The following RAB3B variants were observed in gnomAD, a reference collection of about 807,000 sequenced individuals.
The protein encoded by RAB3B is ras-related protein Rab-3B.
In RAB3B, 11 loss-of-function variants were observed where a neutral mutation model predicts 20.5. The observed-to-expected ratio is 0.54, with a 90% CI of 0.34 to 0.89. RAB3B has a LOEUF of 0.89. RAB3B is among the 40% of genes least tolerant of loss of function. The pLI is 0.02. For synonymous variants in RAB3B, 99 were observed against 106.3 expected, an observed-to-expected ratio of 0.93 and a Z score of 0.42; for missense variants, 225 against 280.9, an observed-to-expected ratio of 0.80 and a Z score of 1.42.
chr1:51,987,009 T>G (rs1308646947), intron 1 of RAB3B, among the ~76,000 whole-genome samples: 1 of 152,192 alleles, frequency 6.6e-6, no homozygotes, highest in Non-Finnish European at 1.5e-5. Context: ...TAGAGCTATC[T>G]CCGTGACAAG....
intron 4 of RAB3B, 48 bp from the exon 5 acceptor site, chr1:51,920,162 T>C (rs1684153449): frequency 2.6e-6 from 4 of 1,532,956 alleles, no homozygotes; most frequent in Non-Finnish European, 3.5e-6. Context: ...TCCCTTCTGC[T>C]GGAACCCTTC....
In RAB3B at chr1:51,917,584, T is replaced by C. The variant is rs1684105836; in HGVS notation, c.*2343A>G. ...GAGAGACAGAGAGACAGGGTCTTAT[T>C]CTTACTCTGTCACCCAGACTGGAAT... On this transcript the variant is annotated 3_prime_UTR_variant, in exon 5 of 5. Coordinates refer to ENST00000371655, the MANE Select transcript of RAB3B (RefSeq NM_002867.4). 1 of 152,026 alleles carries C rather than the reference T, an allele frequency of 6.6e-6. No homozygotes were observed. Among genetic ancestry groups the C allele is most frequent in the Non-Finnish European group, 1.5e-5 (1 of 68,008 alleles). 9.4% of individuals were successfully genotyped at this position (152,026 alleles called of 1,614,324 possible). A position where few individuals can be genotyped will look rare whatever the true frequency, so the allele number is the denominator to read the frequency against.
chr1:51,957,136 C>G (rs1430842531), intron 2 of RAB3B, among the ~76,000 whole-genome samples: 1 of 152,154 alleles, frequency 6.6e-6, no homozygotes, highest in Non-Finnish European at 1.5e-5. Context: ...TGTAGCAGCA[C>G]AACTGGTGGA....
chr1:51,977,499 C>G (rs986634455), intron 1 of RAB3B, among the ~76,000 whole-genome samples: 3 of 152,122 alleles, frequency 2.0e-5, no homozygotes, highest in African/African-American at 7.2e-5. Flanking sequence ...ACAGAGGAGT[C>G]CTGGCTGAGG....
chr1:51,980,753 A>C lies in RAB3B; in HGVS notation c.1-3636T>G. The C allele has an allele frequency of 9.3e-6, 7 of 755,162 alleles. No homozygotes were observed. In the South Asian group the frequency reaches 9.4e-5, roughly 10 times the overall value. 46.8% of individuals were successfully genotyped at this position (755,162 alleles called of 1,614,324 possible). A position where few individuals can be genotyped will look rare whatever the true frequency, so the allele number is the denominator to read the frequency against. On this transcript the variant is annotated intron_variant, in intron 1 of 4. Coordinates refer to ENST00000371655, the MANE Select transcript of RAB3B (RefSeq NM_002867.4). The stretch of plus-strand genomic sequence containing the variant: ...AATCGATCTCATGAAGCCCGCAAGG[A>C]CCAAACACCCCCACCCTGATTTAGA...
chr1:51,976,796 C>G, intron 2 of RAB3B, 94 bp downstream of exon 2: 1 of 1,094,024 alleles, frequency 9.1e-7, no homozygotes, highest in Non-Finnish European at 1.4e-6. Context: ...TGCTGTAAGG[C>G]CCAGAAGTTC....
At position 51,913,079 on chromosome 1, in the gene RAB3B, T is replaced by C. The variant is rs547571192; in HGVS notation, c.*6848A>G. 77 of 152,284 alleles carry C rather than the reference T, an allele frequency of 5.1e-4. No homozygotes were observed. The highest frequency in any genetic ancestry group is 1.7e-3 in the African/African-American group (71 of 41,562). 9.4% of individuals were successfully genotyped at this position (152,284 alleles called of 1,614,324 possible). On this transcript the variant is annotated 3_prime_UTR_variant, in exon 5 of 5. Coordinates refer to ENST00000371655, the MANE Select transcript of RAB3B (RefSeq NM_002867.4). ...CCATCTTTTCTATATATACTGAATC[T>C]TTCTGCTGGGCTTCTGGCCAGGAAC...
At chr1:51,980,603 T>C (rs1299447411) in intron 1 of RAB3B, 6 of 778,348 alleles carry the variant, frequency 7.7e-6, no homozygotes, top group Middle Eastern at 2.3e-4. Context: ...ATTTGAAACA[T>C]AGTGGAGGCC....
chr1:51,935,429 G>C (rs1421092132), intron 3 of RAB3B, among the ~76,000 whole-genome samples: 1 of 152,126 alleles, frequency 6.6e-6, no homozygotes, highest in Non-Finnish European at 1.5e-5. Context: ...AAACTCAAAG[G>C]CCAGGGCTTG....
chr1:51,950,909 A>G (rs1684632336), intron 2 of RAB3B, among the ~76,000 whole-genome samples: 1 of 152,204 alleles, frequency 6.6e-6, no homozygotes, highest in African/African-American at 2.4e-5. Flanking sequence ...TGGGAATGGA[A>G]GGAAACTGGA....
intron 1 of RAB3B, among the ~76,000 whole-genome samples, chr1:51,982,317 G>C (rs902310670): frequency 6.6e-6 from 1 of 152,238 alleles, no homozygotes. Context: ...GGAGGCCAAG[G>C]TGGGAGGATC....
At chr1:51,925,649 C>T (rs1684234069) in intron 4 of RAB3B, among the ~76,000 whole-genome samples, 1 of 152,188 alleles carries the variant, frequency 6.6e-6, no homozygotes, top group South Asian at 2.1e-4. Context: ...CTTCATTATT[C>T]ATCTGTGGAA....
chr1:51,917,568 A>C lies in RAB3B; in HGVS notation c.*2359T>G, dbSNP rs1265014747. The C allele has an allele frequency of 1.3e-5, 2 of 151,972 alleles. No homozygotes were observed. The highest frequency in any genetic ancestry group is 2.1e-4 in the South Asian group (1 of 4,816). 9.4% of individuals were successfully genotyped at this position (151,972 alleles called of 1,614,324 possible). On this transcript the variant is annotated 3_prime_UTR_variant, in exon 5 of 5. Coordinates refer to ENST00000371655, the MANE Select transcript of RAB3B (RefSeq NM_002867.4). The stretch of plus-strand genomic sequence containing the variant: ...AAAAAAAAGAGAGAAAGAGAGACAG[A>C]GAGACAGGGTCTTATTCTTACTCTG...
At chr1:51,945,431 G>C (rs1027345471) in intron 2 of RAB3B, among the ~76,000 whole-genome samples, 2 of 152,118 alleles carry the variant, frequency 1.3e-5, no homozygotes, top group African/African-American at 2.4e-5. Flanking sequence ...GCTTTTATAT[G>C]CACTGGGAAA....
At chr1:51,934,425 A>G (rs10888740) in intron 3 of RAB3B, among the ~76,000 whole-genome samples, 81,021 of 152,004 alleles carry the variant, frequency 0.53, 22,656 homozygotes, top group East Asian at 0.85. Context: ...ATTTGCAGGA[A>G]CCAAAATGTC....
At chr1:51,938,317 C>T (rs1684439637) in intron 2 of RAB3B, among the ~76,000 whole-genome samples, 1 of 151,856 alleles carries the variant, frequency 6.6e-6, no homozygotes, top group Non-Finnish European at 1.5e-5. Flanking sequence ...CTCTTTGACC[C>T]AGAAATATTC....
At chr1:51,961,327 C>CA in intron 2 of RAB3B, among the ~76,000 whole-genome samples, 1 of 152,268 alleles carries the variant, frequency 6.6e-6, no homozygotes, top group South Asian at 2.1e-4. Flanking sequence ...TGATAGTTTG[C>CA]AACAGATAAC....
chr1:51,921,169 C>A (rs12118912), intron 4 of RAB3B, among the ~76,000 whole-genome samples: 1 of 152,136 alleles, frequency 6.6e-6, no homozygotes, highest in Non-Finnish European at 1.5e-5. Flanking sequence ...AGTCCCCAGC[C>A]CTCTCCCACT....
At chr1:51,939,230 T>A (rs1684455658) in intron 2 of RAB3B, among the ~76,000 whole-genome samples, 1 of 152,210 alleles carries the variant, frequency 6.6e-6, no homozygotes, top group Non-Finnish European at 1.5e-5. Flanking sequence ...TCTCAGAATG[T>A]GTGATGCTTA....
Sources: gnomAD v4.1 joint callset for allele counts (sites outside exome capture counted in the v4.1 genomes callset) on GRCh38, gnomAD v4.1.1 for gene constraint, MANE v1.5 for transcripts, NCBI Gene and HGNC (gene_info 2026-07-23, HGNC 2026-07-21) for gene names.